AMZ1: variants seen among roughly 807,000 people sequenced by gnomAD.
The protein encoded by AMZ1 is archaelysin family metallopeptidase 1, also known as archaemetzincin-1.
AMZ1 carries 39 observed loss-of-function variants against 29.9 expected under a neutral mutation model. That is an observed-to-expected ratio of 1.30 (90% CI 1.01 to 1.70). The LOEUF (loss-of-function observed/expected upper bound fraction) is 1.70, where lower values mean the gene tolerates loss of function less well. Ranked by LOEUF, AMZ1 falls within the 40% of genes most tolerant of loss-of-function variation. AMZ1 has a pLI of 0.00. For missense variants in AMZ1, 1,041 were observed against 680.6 expected (o/e 1.53, Z -5.89); for synonymous variants, 458 against 304.0 (o/e 1.51, Z -5.27).
chr7:2,708,852 G>C (rs1020858721), intron 4 of AMZ1, 136 bp downstream of exon 4: 2 of 1,422,774 alleles, frequency 1.4e-6, no homozygotes, highest in African/African-American at 1.4e-5. Flanking sequence ...CATGGGAATA[G>C]ATGGCCCCTT....
At chr7:2,685,780 G>A (rs1159603410), upstream of AMZ1, among the ~76,000 whole-genome samples, 6 of 151,164 alleles carry the variant, frequency 4.0e-5, no homozygotes, top group African/African-American at 9.7e-5. Flanking sequence ...GTGAACCCGG[G>A]AGGTGGAGCT....
chr7:2,731,397 G>A lies in AMZ1; in HGVS notation n.550+21581G>A. On this transcript the variant is annotated intron_variant and non_coding_transcript_variant, in intron 4 of 4. Transcript: ENST00000489665. The surrounding 1 kb of genome is among the most constrained non-coding windows in gnomAD (Gnocchi z 6.0). ...CCCTGAAGTCCGGGAAGTGCTTCTT[G>A]ATGCTCACGGTCTTCACCTTCTCCA... 1 of 1,613,326 alleles carries A rather than the reference G, an allele frequency of 6.2e-7. No individual in the cohort carries two copies. Among genetic ancestry groups the A allele is most frequent in the South Asian group, 1.1e-5 (1 of 91,052 alleles).
rs1789166087 is a variant in AMZ1 at position 2,717,042 on chromosome 7, C to T, written c.*4164C>T. On this transcript the variant is annotated 3_prime_UTR_variant, in exon 7 of 7. Coordinates refer to ENST00000683327, the MANE Select transcript of AMZ1 (RefSeq NM_001384743.1). ...GGCGCACGGACGCGGGAGGCCTGCA[C>T]CCTGATCCCTGAGCAGCCCCCACAC... is the stretch of plus-strand genomic sequence containing the variant. 6.6e-6 allele frequency among the ~76,000 whole-genome samples: 1 copy of T among 152,136 alleles called. No homozygotes were observed. Among genetic ancestry groups the T allele is most frequent in the Non-Finnish European group, 1.5e-5 (1 of 68,032 alleles).
At chr7:2,681,644 C>T (rs1040505913) in intron 1 of AMZ1, among the ~76,000 whole-genome samples, 2 of 152,094 alleles carry the variant, frequency 1.3e-5, no homozygotes, top group Non-Finnish European at 2.9e-5. Flanking sequence ...AGACAGACCC[C>T]GACAGGGACA....
intron 4 of AMZ1, among the ~76,000 whole-genome samples, chr7:2,745,427 T>A (rs1790719224): frequency 6.6e-6 from 1 of 152,180 alleles, no homozygotes; most frequent in Non-Finnish European, 1.5e-5. Context: ...CTAAGCTTCA[T>A]AAGTGAAGGA....
intron 1 of AMZ1, among the ~76,000 whole-genome samples, chr7:2,681,940 G>A (rs1438826430): frequency 0.058 from 5 of 86 alleles, no homozygotes; most frequent in Non-Finnish European, 0.12. Context: ...CAGCCTTGCT[G>A]AGCCCATGGG....
chr7:2,684,058 A>T (rs1786982986), upstream of AMZ1, among the ~76,000 whole-genome samples: 1 of 151,962 alleles, frequency 6.6e-6, no homozygotes, highest in Non-Finnish European at 1.5e-5. Flanking sequence ...CGCGCCTATA[A>T]TCCCAGCTAC....
chr7:2,690,779 G>A (rs1787340535), intron 1 of AMZ1, among the ~76,000 whole-genome samples: 1 of 152,128 alleles, frequency 6.6e-6, no homozygotes, highest in African/African-American at 2.4e-5. Context: ...TGGGCCTGAG[G>A]TTGGCAGTTT....
chr7:2,729,034 T>C (rs1789751014), intron 4 of AMZ1: 1 of 152,424 alleles, frequency 6.6e-6, no homozygotes, highest in Non-Finnish European at 1.5e-5. Context: ...TATGTCAGAC[T>C]GTTTAAAGGA....
rs112093656 is a variant in AMZ1, at chr7:2,743,604, C to A, written n.551-21108C>A. On this transcript the variant is annotated intron_variant and non_coding_transcript_variant, in intron 4 of 4. Transcript: ENST00000489665. Reference sequence around the variant, plus strand: ...AACAGCTCCGGTCTACAGCTCCCAGCGTGAGCAATGCAGAAGACGGGTGAT... The same window carrying A: ...AACAGCTCCGGTCTACAGCTCCCAGAGTGAGCAATGCAGAAGACGGGTGAT... 4.9e-3 allele frequency among the ~76,000 whole-genome samples: 749 copies of A among 152,280 alleles called. 4 individuals are homozygous for A. Among genetic ancestry groups the A allele is most frequent in the African/African-American group, 0.017 (689 of 41,554 alleles).
upstream of AMZ1, among the ~76,000 whole-genome samples, chr7:2,763,507 A>G (rs545000501): frequency 3.9e-5 from 6 of 152,352 alleles, no homozygotes; most frequent in South Asian, 1.2e-3. Flanking sequence ...TCTATGGCTG[A>G]GGATGAAGCT....
chr7:2,733,850 C>T (rs562524916), intron 4 of AMZ1, among the ~76,000 whole-genome samples: 2 of 152,300 alleles, frequency 1.3e-5, no homozygotes, highest in South Asian at 4.1e-4. Flanking sequence ...CAGCAAAGGA[C>T]AGGCTAGAAT....
upstream of AMZ1, among the ~76,000 whole-genome samples, chr7:2,761,170 G>A (rs538099840): frequency 2.0e-5 from 3 of 152,256 alleles, no homozygotes; most frequent in African/African-American, 2.4e-5. Flanking sequence ...CCGCCTCACC[G>A]AGCCACCGTG....
At chr7:2,752,629 A>C (rs76536643) in intron 4 of AMZ1, among the ~76,000 whole-genome samples, 2,532 of 152,316 alleles carry the variant, frequency 0.017, 78 homozygotes, top group African/African-American at 0.059. Flanking sequence ...ACTACACAAA[A>C]ATCAAGTATA....
At chr7:2,689,764 T>C (rs1420683986) in intron 1 of AMZ1, among the ~76,000 whole-genome samples, 1 of 152,338 alleles carries the variant, frequency 6.6e-6, no homozygotes, top group African/African-American at 2.4e-5. Context: ...GGGGACACAC[T>C]GTGACAGGGT....
At chr7:2,707,084 C>T (rs773575418) in intron 3 of AMZ1, among the ~76,000 whole-genome samples, 22 of 152,134 alleles carry the variant, frequency 1.4e-4, no homozygotes, top group Non-Finnish European at 2.9e-4. Flanking sequence ...ACCAGCTTGA[C>T]TAACATGGTG....
At position 2,755,588 on chromosome 7, in the gene AMZ1, T is replaced by C. The variant is rs150235974; in HGVS notation, n.551-9124T>C. Among the ~76,000 whole-genome samples, 129 of 152,370 alleles carry C rather than the reference T, an allele frequency of 8.5e-4. 1 individual carries two copies. The highest frequency in any genetic ancestry group is 2.9e-3 in the African/African-American group (121 of 41,582). ...AGAAGTAAAATTTATATTTTGTATATGGATCTTGTATCCTGTAGCCTTGCT... is the reference window on the plus strand; with the variant it reads ...AGAAGTAAAATTTATATTTTGTATACGGATCTTGTATCCTGTAGCCTTGCT... On this transcript the variant is annotated intron_variant and non_coding_transcript_variant, in intron 4 of 4. Coordinates refer to the AMZ1 transcript ENST00000489665.
chr7:2,737,777 CTA>C (rs1790283491), intron 4 of AMZ1, among the ~76,000 whole-genome samples: 1 of 152,216 alleles, frequency 6.6e-6, no homozygotes, highest in African/African-American at 2.4e-5. Flanking sequence ...TAACAGCAAA[CTA>C]TGCCAAAGGC....
downstream of AMZ1, among the ~76,000 whole-genome samples, chr7:2,720,025 T>G (rs1278801716): frequency 6.6e-6 from 1 of 152,312 alleles, no homozygotes; most frequent in East Asian, 1.9e-4. Context: ...AGGATGAAAT[T>G]CTGGAAGGCT....
Sources: allele counts gnomAD v4.1 joint callset (sites outside exome capture counted in the v4.1 genomes callset), GRCh38; gene constraint gnomAD v4.1.1; non-coding constraint Gnocchi (gnomAD v3.1); transcripts MANE v1.5; gene names NCBI Gene and HGNC (gene_info 2026-07-23, HGNC 2026-07-21).